Variants in BGLAP observed in about 807,000 individuals in gnomAD.
BGLAP encodes the protein bone gamma-carboxyglutamate protein, also known as osteocalcin.
A neutral mutation model predicts 13.7 loss-of-function variants in BGLAP; 15 were observed. That is an observed-to-expected ratio of 1.09 (90% CI 0.73 to 1.68). The LOEUF is 1.68. Among genes scored for constraint, BGLAP ranks in the 40% most tolerant of loss-of-function variants. BGLAP has a pLI of 0.00. For synonymous variants in BGLAP, 67 were observed against 56.2 expected (o/e 1.19, Z -0.86); for missense variants, 120 against 134.3 (o/e 0.89, Z 0.53).
In BGLAP at chr1:156,242,628, C is replaced by T. The variant is rs775822381; in HGVS notation, c.103+37C>T. 48 of 1,581,478 alleles carry T rather than the reference C, an allele frequency of 3.0e-5. No individual in the cohort carries two copies. The Admixed American group carries it at 6.2e-4, about 20-fold the overall frequency. On this transcript the variant is annotated intron_variant, in intron 2 of 3. Transcript: ENST00000368272. The stretch of plus-strand genomic sequence containing the variant: ...GACCTGATGGGTTCCTGGACCCTCC[C>T]CTCTCACCCTGGTCCCTCAGTCTCA...
At position 156,242,819 on chromosome 1, in the gene BGLAP, A is replaced by G. The variant is rs1232898978; in HGVS notation, c.161A>G (p.Tyr54Cys). The change falls in exon 3 of 4, where the codon TAT becomes TGT. Residue 54 changes from tyrosine to cysteine, a missense_variant. Tyr to Cys is a radical substitution (Grantham distance 194). Coordinates refer to ENST00000368272, the MANE Select transcript of BGLAP (RefSeq NM_199173.6). ...GTGAAGAGACCCAGGCGCTACCTGT[A>G]TCAATGGCTGGGGTGAGAGAAAAGG... ...EVVKRPRRYL[Y>C]QWLGAPVPYP... 28 of 1,598,790 alleles carry G rather than the reference A, an allele frequency of 1.8e-5. No homozygotes were observed. The highest frequency in any genetic ancestry group is 2.2e-5 in the South Asian group (2 of 89,182).
chr1:156,242,414 T>C (rs1183316971), intron 1 of BGLAP, 119 bp downstream of exon 1: 2 of 1,542,218 alleles, frequency 1.3e-6, no homozygotes, highest in East Asian at 4.9e-5. Context: ...AACCACCTTG[T>C]TGCAGGCTCA....
In BGLAP at chr1:156,243,120, C is replaced by T. The variant is rs374800801; in HGVS notation, c.261C>T (p.Ile87=). The change falls in exon 4 of 4, where the codon ATC becomes ATT. Residue 87 remains isoleucine (I), a synonymous_variant. Coordinates refer to ENST00000368272, the MANE Select transcript of BGLAP (RefSeq NM_199173.6). ...ACTGTGACGAGTTGGCTGACCACAT[C>T]GGCTTTCAGGAGGCCTATCGGCGCT... ...NPDCDELADH[I]GFQEAYRRFY... The T allele has an allele frequency of 1.7e-4, 270 of 1,613,948 alleles. 1 individual carries two copies. The highest frequency in any genetic ancestry group is 2.2e-4 in the Non-Finnish European group (255 of 1,179,998).
chr1:156,242,769 G>A lies in BGLAP; in HGVS notation c.111G>A (p.Val37=). 1.3e-6 allele frequency: 2 copies of A among 1,596,856 alleles called. No individual in the cohort carries two copies. The highest frequency in any genetic ancestry group is 1.7e-6 in the Non-Finnish European group (2 of 1,170,218). The change falls in exon 3 of 4, where the codon GTG becomes GTA. Residue 37 remains valine, a synonymous_variant. Transcript: ENST00000368272. ...TGCCCCTCTGCTCCACAGCCTTTGT[G>A]TCCAAGCAGGAGGGCAGCGAGGTAG... ...GAESSKGAAF[V]SKQEGSEVVK...
rs201877298 is a variant in BGLAP at position 156,242,773 on chromosome 1, A to G, written c.115A>G (p.Lys39Glu). Residue 39 changes from lysine to glutamate, a missense_variant, in exon 3 of 4, where the codon AAG becomes GAG. Transcript: ENST00000368272. ...ESSKGAAFVSKQEGSEVVKRP... is the reference protein window; with the variant it reads ...ESSKGAAFVSEQEGSEVVKRP... ...CCTCTGCTCCACAGCCTTTGTGTCC[A>G]AGCAGGAGGGCAGCGAGGTAGTGAA... 66 of 1,597,800 alleles carry G rather than the reference A, an allele frequency of 4.1e-5. No individual in the cohort carries two copies. The East Asian group carries it at 1.5e-3, about 36-fold the overall frequency.
At position 156,243,058 on chromosome 1, in the gene BGLAP, C is replaced by T. The variant is rs1659571657; in HGVS notation, c.199C>T (p.Leu67=). 6.2e-7 allele frequency: 1 copy of T among 1,614,072 alleles called. No individual in the cohort carries two copies. The highest frequency in any genetic ancestry group is 1.7e-5 in the Admixed American group (1 of 60,004). ...AGCCCCAGTCCCCTACCCGGATCCC[C>T]TGGAGCCCAGGAGGGAGGTGTGTGA... The part of the protein sequence containing the change: ...LGAPVPYPDP[L]EPRREVCELN... The change falls in exon 4 of 4, where the codon CTG becomes TTG. Residue 67 remains leucine (L), a synonymous_variant. Transcript: ENST00000368272.
Position 156,242,200 on chromosome 1 carries a change from G to A in BGLAP, c.-32G>A. 1.9e-6 allele frequency: 3 copies of A among 1,606,236 alleles called. No homozygotes were observed. Among genetic ancestry groups the A allele is most frequent in the Non-Finnish European group, 2.5e-6 (3 of 1,178,100 alleles). ...TGGCGGGGCAGGCCAGCTGAGTCCT[G>A]AGCAGCAGCCCAGCGCAGCCACCGA... On this transcript the variant is annotated 5_prime_UTR_variant, in exon 1 of 4. Coordinates refer to ENST00000368272, the MANE Select transcript of BGLAP (RefSeq NM_199173.6).
In BGLAP at chr1:156,243,155, C is replaced by T. The variant is rs182971055; in HGVS notation, c.296C>T (p.Pro99Leu). Reference protein sequence around the residue: ...FQEAYRRFYGPV With the variant: ...FQEAYRRFYGLV ...GAGGCCTATCGGCGCTTCTACGGCC[C>T]GGTCTAGGGTGTCGCTCTGCTGGCC... Residue 99 changes from proline to leucine, a missense_variant, in exon 4 of 4, where the codon CCG becomes CTG. Transcript: ENST00000368272. 2.3e-5 allele frequency: 37 copies of T among 1,613,812 alleles called. No individual in the cohort carries two copies. The highest frequency in any genetic ancestry group is 1.7e-4 in the Admixed American group (10 of 60,006).
rs1342425019 is a variant in BGLAP at position 156,242,216 on chromosome 1, C to T, written c.-16C>T. 1 of 1,611,830 alleles carries T rather than the reference C, an allele frequency of 6.2e-7. No homozygotes were observed. Among genetic ancestry groups the T allele is most frequent in the African/African-American group, 1.3e-5 (1 of 74,998 alleles). ...CTGAGTCCTGAGCAGCAGCCCAGCG[C>T]AGCCACCGAGACACCATGAGAGCCC... On this transcript the variant is annotated 5_prime_UTR_variant, in exon 1 of 4. Coordinates refer to ENST00000368272, the MANE Select transcript of BGLAP (RefSeq NM_199173.6).
Position 156,243,215 on chromosome 1 carries a change from ACCCTTCTTTCCTCTTCC to A in BGLAP, c.*56_*72del. ...ACCCCAGTTCTGCTCCTCTCCAGGC[ACCCTTCTTTCCTCTTCC>A]CCTTGCCCTTGCCCTGACCTCCCAG... On this transcript the variant is annotated 3_prime_UTR_variant, in exon 4 of 4. Coordinates refer to ENST00000368272, the MANE Select transcript of BGLAP (RefSeq NM_199173.6). 6.2e-7 allele frequency: 1 copy of A among 1,605,802 alleles called. No individual in the cohort carries two copies.
In BGLAP at chr1:156,242,280, A is replaced by T; in HGVS notation, c.49A>T (p.Ile17Phe). 1 of 1,613,022 alleles carries T rather than the reference A, an allele frequency of 6.2e-7. No individual in the cohort carries two copies. Among genetic ancestry groups the T allele is most frequent in the Non-Finnish European group, 8.5e-7 (1 of 1,179,852 alleles). The change falls in exon 1 of 4, where the codon ATC becomes TTC. Residue 17 changes from isoleucine (I) to phenylalanine (F), a missense_variant. Physicochemically the swap from Ile to Phe is conservative, Grantham distance 21. Coordinates refer to ENST00000368272, the MANE Select transcript of BGLAP (RefSeq NM_199173.6). The stretch of plus-strand genomic sequence containing the variant: ...CCTATTGGCCCTGGCCGCACTTTGC[A>T]TCGCTGGCCAGGCAGGTGAGTGCCC... ...LALLALAALCIAGQAGAKPSG... is the reference protein window; with the variant it reads ...LALLALAALCFAGQAGAKPSG...
chr1:156,243,032 G>A lies in BGLAP; in HGVS notation c.174-1G>A, dbSNP rs775503779. On this transcript the variant is annotated splice_acceptor_variant, in intron 3 of 3. Transcript: ENST00000368272. LOFTEE classifies it high-confidence loss of function. ...TGATGCCACCACGTCGGGTGTCTCA[G>A]AGCCCCAGTCCCCTACCCGGATCCC... 4 of 1,614,096 alleles carry A rather than the reference G, an allele frequency of 2.5e-6. No individual in the cohort carries two copies. Among genetic ancestry groups the A allele is most frequent in the Non-Finnish European group, 2.5e-6 (3 of 1,180,000 alleles).
At chr1:156,242,670 A>G (rs1016227981) in intron 2 of BGLAP, 79 bp downstream of exon 2, 8 of 1,608,606 alleles carry the variant, frequency 5.0e-6, no homozygotes, top group Non-Finnish European at 6.8e-6. Context: ...CACTCCTGCC[A>G]CCTCCTGTCT....
Position 156,243,067 on chromosome 1 carries a change from A to G in BGLAP, c.208A>G (p.Arg70Gly), listed in dbSNP as rs1170196169. 6.2e-7 allele frequency: 1 copy of G among 1,614,068 alleles called. No homozygotes were observed. Among genetic ancestry groups the G allele is most frequent in the Non-Finnish European group, 8.5e-7 (1 of 1,180,012 alleles). The change falls in exon 4 of 4, where the codon AGG becomes GGG. Residue 70 changes from arginine (R) to glycine (G), a missense_variant. Coordinates refer to ENST00000368272, the MANE Select transcript of BGLAP (RefSeq NM_199173.6). ...PVPYPDPLEP[R>G]REVCELNPDC... ...CCCCTACCCGGATCCCCTGGAGCCC[A>G]GGAGGGAGGTGTGTGAGCTCAATCC... is the stretch of plus-strand genomic sequence containing the variant.
At chr1:156,242,928 G>A in intron 3 of BGLAP, 97 bp downstream of exon 3, 7 of 1,580,822 alleles carry the variant, frequency 4.4e-6, no homozygotes, top group Middle Eastern at 1.7e-4. Context: ...TTGTGGTGGG[G>A]GTACAGGCAG....
At chr1:156,242,939 C>T in intron 3 of BGLAP, 94 bp from the exon 4 acceptor site, 1 of 1,586,102 alleles carries the variant, frequency 6.3e-7, no homozygotes, top group South Asian at 1.1e-5. Flanking sequence ...GTACAGGCAG[C>T]CTGCCCTGGT....
chr1:156,243,129 G>C lies in BGLAP; in HGVS notation c.270G>C (p.Gln90His). ...AGTTGGCTGACCACATCGGCTTTCA[G>C]GAGGCCTATCGGCGCTTCTACGGCC... ...CDELADHIGF[Q>H]EAYRRFYGPV The change falls in exon 4 of 4, where the codon CAG becomes CAC. Residue 90 changes from glutamine (Q) to histidine (H), a missense_variant. By Grantham distance (24) the Gln-to-His change is conservative. Coordinates refer to ENST00000368272, the MANE Select transcript of BGLAP (RefSeq NM_199173.6). The C allele has an allele frequency of 6.2e-7, 1 of 1,614,090 alleles. No homozygotes were observed. Among genetic ancestry groups the C allele is most frequent in the African/African-American group, 1.3e-5 (1 of 75,036 alleles).
chr1:156,242,972 T>C (rs993388300), intron 3 of BGLAP, 61 bp from the exon 4 acceptor site: 1 of 1,608,918 alleles, frequency 6.2e-7, no homozygotes, highest in African/African-American at 1.3e-5. Context: ...GCCCCATGTG[T>C]AGGGAGAGGA....
chr1:156,242,323 G>T (rs760056461), intron 1 of BGLAP, 28 bp downstream of exon 1: 6 of 1,608,310 alleles, frequency 3.7e-6, no homozygotes, highest in Non-Finnish European at 5.1e-6. Context: ...CCCTCAGGCC[G>T]CATTGCAGTG....
Sources: allele counts gnomAD v4.1 joint callset, GRCh38; gene constraint gnomAD v4.1.1; transcripts MANE v1.5; gene names NCBI Gene and HGNC (gene_info 2026-07-23, HGNC 2026-07-21).